The following UBXN11 variants were observed in gnomAD, a reference collection of about 807,000 sequenced individuals.
UBXN11 encodes the protein UBX domain protein 11.
In UBXN11, 47 loss-of-function variants were observed where a neutral mutation model predicts 62.8. The ratio of observed to expected loss-of-function variants is 0.75; its 90% CI spans 0.59 to 0.95. UBXN11 has a LOEUF of 0.95. Among genes scored for constraint, UBXN11 ranks in the 40% least tolerant of loss-of-function variants. The probability of loss-of-function intolerance (pLI) is 0.00; values close to 1 mark genes in which losing one functional copy is unlikely to be tolerated. For missense variants in UBXN11, 638 were observed against 661.7 expected, an observed-to-expected ratio of 0.96 and a Z score of 0.39; for synonymous variants, 294 against 267.0, an observed-to-expected ratio of 1.10 and a Z score of -0.99.
At chr1:26,297,151 G>A (rs748984807) in intron 6 of UBXN11, among the ~76,000 whole-genome samples, 156 bp from the exon 7 acceptor site, 13 of 152,072 alleles carry the variant, frequency 8.5e-5, no homozygotes, top group Non-Finnish European at 1.6e-4. Context: ...ACCCCGTGGC[G>A]GTGCCTTGAT....
chr1:26,288,020 A>G (rs889037002), intron 8 of UBXN11, among the ~76,000 whole-genome samples: 1 of 151,140 alleles, frequency 6.6e-6, no homozygotes, highest in African/African-American at 2.4e-5. Context: ...CTCCCACCTC[A>G]GCCTCCCAAG....
chr1:26,314,824 G>A (rs943999207), intron 1 of UBXN11, among the ~76,000 whole-genome samples: 1 of 152,224 alleles, frequency 6.6e-6, no homozygotes, highest in Non-Finnish European at 1.5e-5. Context: ...CCTAGGGAAA[G>A]TGGAAAGTTT....
Position 26,300,955 on chromosome 1 carries a change from C to A in UBXN11, c.170G>T (p.Gly57Val). 1 of 1,614,240 alleles carries A rather than the reference C, an allele frequency of 6.2e-7. No homozygotes were observed. The highest frequency in any genetic ancestry group is 8.5e-7 in the Non-Finnish European group (1 of 1,180,032). Residue 57 changes from glycine (G) to valine (V), a missense_variant, in exon 4 of 15, where the codon GGC (glycine) becomes GTC (valine). Transcript: ENST00000374222. ...CCGACTCACAGGGGCACCTATGCCG[C>A]CATAGCAGGAAGGGACTGAGATCTT... ...EEKISVPSCY[G>V]GIGAPVSRQV...
intron 1 of UBXN11, among the ~76,000 whole-genome samples, chr1:26,314,238 G>C (rs978387864): frequency 3.9e-5 from 6 of 151,976 alleles, no homozygotes; most frequent in Non-Finnish European, 8.8e-5. Flanking sequence ...TCTGCTTTTT[G>C]GTCATGTTGT....
intron 8 of UBXN11, among the ~76,000 whole-genome samples, chr1:26,286,470 T>C (rs2124636875): frequency 6.6e-6 from 1 of 152,338 alleles, no homozygotes; most frequent in East Asian, 1.9e-4. Context: ...CAAATCCCAG[T>C]TCCTCCCTTC....
intron 12 of UBXN11, among the ~76,000 whole-genome samples, chr1:26,283,802 G>A (rs1056465760): frequency 6.6e-6 from 1 of 152,216 alleles, no homozygotes; most frequent in Non-Finnish European, 1.5e-5. Context: ...GAGACAGAAT[G>A]ATGAGGGCCA....
Position 26,316,898 on chromosome 1 carries a change from C to A in UBXN11, c.-149+1149G>T, listed in dbSNP as rs115645880. On this transcript the variant is annotated intron_variant, in intron 1 of 14. Coordinates refer to the UBXN11 transcript ENST00000374217. ...ATTCATCCTCAGCTAATACAAACAACCCATCTGCTTGCTACTTTCTCTACC... is the reference window on the plus strand; with the variant it reads ...ATTCATCCTCAGCTAATACAAACAAACCATCTGCTTGCTACTTTCTCTACC... Among the ~76,000 whole-genome samples the A allele has an allele frequency of 6.3e-3, 956 of 151,586 alleles. 10 individuals carry two copies. Among genetic ancestry groups the A allele is most frequent in the African/African-American group, 0.02 (844 of 41,294 alleles).
upstream of UBXN11, among the ~76,000 whole-genome samples, chr1:26,311,140 CTTT>C (rs58696772): frequency 7.4e-5 from 10 of 136,004 alleles, no homozygotes; most frequent in South Asian, 2.3e-4. Flanking sequence ...AGTCTCTATT[CTTT>C]TTTTTTTTTT....
upstream of UBXN11, chr1:26,306,755 C>CCACAGA (rs1325635277): frequency 1.4e-5 from 2 of 144,382 alleles, no homozygotes; most frequent in African/African-American, 2.6e-5. Context: ...TTCTATTGGC[C>CCACAGA]CACAGAGTCG....
At chr1:26,299,653 G>A (rs768118298) in intron 4 of UBXN11, among the ~76,000 whole-genome samples, 1 of 152,176 alleles carries the variant, frequency 6.6e-6, no homozygotes, top group Non-Finnish European at 1.5e-5. Context: ...GAGAAGGAAG[G>A]AGCAGTGGAC....
intron 8 of UBXN11, among the ~76,000 whole-genome samples, chr1:26,286,992 C>G (rs1570089624): frequency 6.6e-6 from 1 of 152,230 alleles, no homozygotes; most frequent in South Asian, 2.1e-4. Flanking sequence ...AGCCACCACG[C>G]CAGGCTGAGG....
chr1:26,316,487 G>A (rs544269708), intron 1 of UBXN11, among the ~76,000 whole-genome samples: 1 of 151,954 alleles, frequency 6.6e-6, no homozygotes, highest in South Asian at 2.1e-4. Context: ...TTTGTGTAGG[G>A]GAGGGGGAGG....
chr1:26,304,710 G>A (rs776662645), intron 1 of UBXN11, among the ~76,000 whole-genome samples: 1 of 151,996 alleles, frequency 6.6e-6, no homozygotes, highest in Non-Finnish European at 1.5e-5. Context: ...CAGAGATTGC[G>A]CCATTGCACT....
chr1:26,292,182 A>G (rs56663412), intron 8 of UBXN11, among the ~76,000 whole-genome samples: 4,015 of 151,914 alleles, frequency 0.026, 157 homozygotes, highest in African/African-American at 0.091. Context: ...GCCTCCCTTT[A>G]CCCATCTGTG....
At chr1:26,301,590 C>T in intron 3 of UBXN11, 104 bp downstream of exon 3, 2 of 1,509,042 alleles carry the variant, frequency 1.3e-6, no homozygotes, top group Non-Finnish European at 9.0e-7. Context: ...GCCGCTGCTC[C>T]AGCTGACAAG....
At chr1:26,310,746 A>T (rs1239341354), upstream of UBXN11, among the ~76,000 whole-genome samples, 2 of 121,282 alleles carry the variant, frequency 1.6e-5, no homozygotes, top group African/African-American at 3.1e-5. Context: ...AAAAAAAAAA[A>T]AAGGTGTTTT....
Position 26,282,589 on chromosome 1 carries a change from G to A in UBXN11, c.1293-20C>T, listed in dbSNP as rs758790286. 2.4e-5 allele frequency: 38 copies of A among 1,610,708 alleles called. No homozygotes were observed. Among genetic ancestry groups the A allele is most frequent in the Non-Finnish European group, 3.1e-5 (37 of 1,178,016 alleles). The stretch of plus-strand genomic sequence containing the variant: ...ATGACCCTGGGGACCAGGCAGAGCA[G>A]ATCAGGCTGGGCAGTGGGACCAGAG... On this transcript the variant is annotated intron_variant, in intron 14 of 14. Transcript: ENST00000374222.
intron 4 of UBXN11, 41 bp from the exon 5 acceptor site, chr1:26,298,103 C>A: frequency 6.3e-7 from 1 of 1,590,596 alleles, no homozygotes. Flanking sequence ...GACCTAGAGC[C>A]GAGGCTGAGT....
chr1:26,315,461 ATCAC>A (rs2073782574), intron 1 of UBXN11, among the ~76,000 whole-genome samples: 1 of 152,116 alleles, frequency 6.6e-6, no homozygotes, highest in Non-Finnish European at 1.5e-5. Context: ...GAACCCCAGA[ATCAC>A]TCACCCCCAC....
Sources: allele counts gnomAD v4.1 joint callset (sites outside exome capture counted in the v4.1 genomes callset), GRCh38; gene constraint gnomAD v4.1.1; transcripts MANE v1.5; gene names NCBI Gene and HGNC (gene_info 2026-07-23, HGNC 2026-07-21).